MARCOL: variants seen among roughly 807,000 people sequenced by gnomAD.
MARCOL encodes MARCO like, also known as MARCO-like protein.
At position 148,243,213 on chromosome 5, in the gene MARCOL, C is replaced by G. The variant is rs968221785; in HGVS notation, c.817C>G (p.Gln273Glu). 5.8e-5 allele frequency: 23 copies of G among 398,952 alleles called. No individual in the cohort carries two copies. The South Asian group carries it at 8.9e-4, about 15-fold the overall frequency. 24.7% of individuals were successfully genotyped at this position (398,952 alleles called of 1,614,324 possible). A position where few individuals can be genotyped will look rare whatever the true frequency, so the allele number is the denominator to read the frequency against. Residue 273 changes from glutamine (Q) to glutamate (E), a missense_variant, in exon 2 of 2, where the codon CAG (glutamine) becomes GAG (glutamate). By Grantham distance (29) the Gln-to-Glu change is conservative. Coordinates refer to ENST00000638089, the MANE Select transcript of MARCOL (RefSeq NM_001363511.2). ...AGGGAATCAAGGACCTTCTAGCAAA[C>G]AGAGGAAGCCAGGTTCATCCAGCCG... Reference protein sequence around the residue: ...QQGNQGPSSKQRKPGSSSRQG... With the variant: ...QQGNQGPSSKERKPGSSSRQG...
At chr5:148,242,321 G>A in intron 1 of MARCOL, 125 bp from the exon 2 acceptor site, 1 of 390,554 alleles carries the variant, frequency 2.6e-6, no homozygotes, top group Non-Finnish European at 4.5e-6. Flanking sequence ...TCTATCTTGG[G>A]GCTTGGTTAA....
rs918001668 is a variant in MARCOL at position 148,243,005 on chromosome 5, G to C, written c.609G>C (p.Lys203Asn). 4 of 398,660 alleles carry C rather than the reference G, an allele frequency of 1.0e-5. No individual in the cohort carries two copies. Among genetic ancestry groups the C allele is most frequent in the African/African-American group, 8.2e-5 (4 of 48,528 alleles). The allele number at this position is 398,660 out of a possible 1,614,324, so 24.7% of individuals were successfully genotyped here. ...GHLGLSSHQGKPESSGQQGKP... is the reference protein window; with the variant it reads ...GHLGLSSHQGNPESSGQQGKP... ...TGGGTTTATCTAGCCATCAAGGGAA[G>C]CCAGAGTCATCTGGCCAACAGGGGA... The change falls in exon 2 of 2, where the codon AAG (lysine) becomes AAC (asparagine). Residue 203 changes from lysine (K) to asparagine (N), a missense_variant. Coordinates refer to ENST00000638089, the MANE Select transcript of MARCOL (RefSeq NM_001363511.2).
chr5:148,242,970 C>T lies in MARCOL; in HGVS notation c.574C>T (p.Gln192Ter). 2.5e-6 allele frequency: 1 copy of T among 399,262 alleles called. No homozygotes were observed. The highest frequency in any genetic ancestry group is 4.4e-6 in the Non-Finnish European group (1 of 226,350). The allele number at this position is 399,262 out of a possible 1,614,324, so 24.7% of individuals were successfully genotyped here. ...QKGNLGSSSLQGHLGLSSHQG... is the reference protein window; with the variant it reads ...QKGNLGSSSL ...AGGGAATTTAGGATCTTCTAGCCTA[C>T]AAGGGCATCTGGGTTTATCTAGCCA... Residue 192 changes from glutamine (Q) to a stop codon, truncating the protein, a stop_gained, in exon 2 of 2, where the codon CAA becomes TAA. Transcript: ENST00000638089. LOFTEE classifies it low-confidence loss of function (END_TRUNC).
At chr5:148,241,048 A>G (rs945263485) in intron 1 of MARCOL, among the ~76,000 whole-genome samples, 1 of 152,000 alleles carries the variant, frequency 6.6e-6, no homozygotes, top group African/African-American at 2.4e-5. Flanking sequence ...AGCTTCTTTT[A>G]TAATAACAAA....
At chr5:148,239,243 G>A (rs1249567945) in intron 1 of MARCOL, among the ~76,000 whole-genome samples, 3 of 151,656 alleles carry the variant, frequency 2.0e-5, no homozygotes, top group Non-Finnish European at 4.4e-5. Context: ...GTACAGTTAG[G>A]TGATTTTCAG....
Position 148,243,289 on chromosome 5 carries a change from G to A in MARCOL, c.*35G>A. ...CAGCAAGGGAATATAGGATCTCCTA[G>A]CCAACAGGAGAAGCCAGAGTCTTCT... is the stretch of plus-strand genomic sequence containing the variant. On this transcript the variant is annotated 3_prime_UTR_variant, in exon 2 of 2. Coordinates refer to ENST00000638089, the MANE Select transcript of MARCOL (RefSeq NM_001363511.2). The A allele has an allele frequency of 2.5e-6, 1 of 398,398 alleles. No individual in the cohort carries two copies. 24.7% of individuals were successfully genotyped at this position (398,398 alleles called of 1,614,324 possible).
At chr5:148,241,659 A>C (rs1021447426) in intron 1 of MARCOL, among the ~76,000 whole-genome samples, 6 of 152,078 alleles carry the variant, frequency 3.9e-5, no homozygotes, top group African/African-American at 1.4e-4. Context: ...AAAAAACATA[A>C]AACATATACA....
chr5:148,241,005 C>T (rs1487930042), intron 1 of MARCOL, among the ~76,000 whole-genome samples: 3 of 151,896 alleles, frequency 2.0e-5, no homozygotes, highest in East Asian at 1.9e-4. Flanking sequence ...TGAACAGGGC[C>T]GTGAATGTCT....
chr5:148,240,791 A>G (rs7715043), intron 1 of MARCOL, among the ~76,000 whole-genome samples: 2 of 151,832 alleles, frequency 1.3e-5, no homozygotes, highest in African/African-American at 4.8e-5. Flanking sequence ...CTAAAAAAAA[A>G]TATTTTTTCT....
In MARCOL at chr5:148,242,706, A is replaced by C. The variant is rs994742564; in HGVS notation, c.310A>C (p.Asn104His). The change falls in exon 2 of 2, where the codon AAT (asparagine) becomes CAT (histidine). Residue 104 changes from asparagine to histidine, a missense_variant. Transcript: ENST00000638089. ...TTTAAACCAGCCTGGGATTTTAAAG[A>C]ATTCAGGAAAATCTAACCAAAAAGG... ...GVLNQPGILK[N>H]SGKSNQKGNP... 2.5e-6 allele frequency: 1 copy of C among 398,330 alleles called. No individual in the cohort carries two copies. The highest frequency in any genetic ancestry group is 4.4e-6 in the Non-Finnish European group (1 of 225,974). 24.7% of individuals were successfully genotyped at this position (398,330 alleles called of 1,614,324 possible).
intron 1 of MARCOL, among the ~76,000 whole-genome samples, chr5:148,239,449 T>C (rs1755940551): frequency 2.6e-5 from 4 of 151,972 alleles, no homozygotes; most frequent in Admixed American, 2.6e-4. Flanking sequence ...CCCCACTTCT[T>C]ATATTTGTAA....
intron 1 of MARCOL, among the ~76,000 whole-genome samples, chr5:148,241,983 A>C (rs1755971046): frequency 6.6e-6 from 1 of 152,158 alleles, no homozygotes; most frequent in Non-Finnish European, 1.5e-5. Flanking sequence ...AAGTGAGAAG[A>C]ATAAAGTGGG....
intron 1 of MARCOL, among the ~76,000 whole-genome samples, chr5:148,240,757 T>A (rs1013751284): frequency 2.0e-5 from 3 of 151,960 alleles, no homozygotes; most frequent in Non-Finnish European, 2.9e-5. Context: ...ACTGAAAGAA[T>A]CCATACATGT....
Position 148,243,218 on chromosome 5 carries a change from G to A in MARCOL, c.822G>A (p.Arg274=), listed in dbSNP as rs537580174. Reference sequence around the variant, plus strand: ...ATCAAGGACCTTCTAGCAAACAGAGGAAGCCAGGTTCATCCAGCCGTCAAG... The same window carrying A: ...ATCAAGGACCTTCTAGCAAACAGAGAAAGCCAGGTTCATCCAGCCGTCAAG... The part of the protein sequence containing the change: ...QGNQGPSSKQ[R]KPGSSSRQGN... The change falls in exon 2 of 2, where the codon AGG becomes AGA. Residue 274 remains arginine (R), a synonymous_variant. Transcript: ENST00000638089. The A allele has an allele frequency of 1.0e-5, 4 of 398,980 alleles. No individual in the cohort carries two copies. The highest frequency in any genetic ancestry group is 6.2e-5 in the African/African-American group (3 of 48,644). The allele number at this position is 398,980 out of a possible 1,614,324, so 24.7% of individuals were successfully genotyped here. A position where few individuals can be genotyped will look rare whatever the true frequency, so the allele number is the denominator to read the frequency against.
At position 148,242,838 on chromosome 5, in the gene MARCOL, G is replaced by A. The variant is rs1488081816; in HGVS notation, c.442G>A (p.Glu148Lys). 2 of 398,682 alleles carry A rather than the reference G, an allele frequency of 5.0e-6. No homozygotes were observed. The highest frequency in any genetic ancestry group is 4.4e-5 in the Admixed American group (1 of 22,682). The allele number at this position is 398,682 out of a possible 1,614,324, so 24.7% of individuals were successfully genotyped here. Residue 148 changes from glutamate (E) to lysine (K), a missense_variant, in exon 2 of 2, where the codon GAG becomes AAG. Physicochemically the swap from Glu to Lys is moderately conservative, Grantham distance 56. Transcript: ENST00000638089. ...QGNPGSSDQQEKPGSFSQKVM... is the reference protein window; with the variant it reads ...QGNPGSSDQQKKPGSFSQKVM... ...AAATCCAGGGTCATCTGACCAACAA[G>A]AGAAACCAGGGTCATTTAGCCAGAA...
intron 1 of MARCOL, 66 bp from the exon 2 acceptor site, chr5:148,242,380 T>A (rs1237956469): frequency 2.5e-6 from 1 of 396,504 alleles, no homozygotes; most frequent in South Asian, 1.4e-4. Context: ...CAAATGTTGT[T>A]GATTTAAAAT....
At position 148,243,110 on chromosome 5, in the gene MARCOL, G is replaced by A. The variant is rs186578848; in HGVS notation, c.714G>A (p.Gly238=). 2 of 398,998 alleles carry A rather than the reference G, an allele frequency of 5.0e-6. No homozygotes were observed. Among genetic ancestry groups the A allele is most frequent in the African/African-American group, 2.1e-5 (1 of 48,052 alleles). The allele number at this position is 398,998 out of a possible 1,614,324, so 24.7% of individuals were successfully genotyped here. Residue 238 remains glycine, a synonymous_variant, in exon 2 of 2, where the codon GGG becomes GGA. Transcript: ENST00000638089. ...QEKPGSSSQQ[G]KPGLSSHQGK... ...AGCCAGGATCTTCTAGCCAACAGGG[G>A]AAGCCAGGGTTGTCTAGCCATCAAG... is the stretch of plus-strand genomic sequence containing the variant.
intron 1 of MARCOL, among the ~76,000 whole-genome samples, chr5:148,240,303 T>A (rs1291771156): frequency 6.6e-6 from 1 of 151,944 alleles, no homozygotes; most frequent in Non-Finnish European, 1.5e-5. Context: ...TTATATTGAT[T>A]GTCCTTGGAG....
intron 1 of MARCOL, among the ~76,000 whole-genome samples, chr5:148,241,267 T>C (rs1215193537): frequency 2.0e-5 from 3 of 151,804 alleles, no homozygotes; most frequent in African/African-American, 4.8e-5. Flanking sequence ...GACTTGAAGG[T>C]ATAAATGTGT....
Sources: gnomAD v4.1 joint callset for allele counts (sites outside exome capture counted in the v4.1 genomes callset) on GRCh38, gnomAD v4.1.1 for gene constraint, MANE v1.5 for transcripts, NCBI Gene and HGNC (gene_info 2026-07-23, HGNC 2026-07-21) for gene names.